ILRUN: variants seen among roughly 807,000 people sequenced by gnomAD.
ILRUN encodes inflammation and lipid regulator with UBA-like and NBR1-like domains.
In ILRUN, 3 loss-of-function variants were observed where a neutral mutation model predicts 33.8. The ratio of observed to expected loss-of-function variants is 0.09; its 90% confidence interval spans 0.04 to 0.23. The LOEUF is 0.23. Ranked by LOEUF, ILRUN falls within the 10% of genes least tolerant of loss-of-function variation. The pLI is 1.00. For synonymous variants in ILRUN, 124 were observed against 138.9 expected (o/e 0.89, Z 0.75); for missense variants, 210 against 375.1 (o/e 0.56, Z 3.64).
chr6:34,638,809 T>C (rs1246477018), intron 3 of ILRUN, among the ~76,000 whole-genome samples: 1 of 152,220 alleles, frequency 6.6e-6, no homozygotes, highest in Non-Finnish European at 1.5e-5. Context: ...GAGCATCTTA[T>C]GGAGGATCTT....
intron 1 of ILRUN, among the ~76,000 whole-genome samples, chr6:34,691,473 C>A (rs571728771): frequency 6.6e-6 from 1 of 152,286 alleles, no homozygotes; most frequent in East Asian, 1.9e-4. Flanking sequence ...CAAACATGCT[C>A]AACTGAAAAC....
intron 1 of ILRUN, among the ~76,000 whole-genome samples, chr6:34,664,352 T>C (rs530372011): frequency 3.3e-5 from 5 of 152,294 alleles, no homozygotes; most frequent in African/African-American, 1.2e-4. Context: ...TGCGGGTTTT[T>C]TGGTGACAGG....
intron 4 of ILRUN, among the ~76,000 whole-genome samples, chr6:34,593,556 G>A (rs545686986): frequency 1.3e-5 from 2 of 152,320 alleles, no homozygotes; most frequent in South Asian, 4.1e-4. Flanking sequence ...CATTTAACTA[G>A]TTTAGATTAT....
At chr6:34,678,618 C>T (rs1400687331) in intron 1 of ILRUN, among the ~76,000 whole-genome samples, 1 of 151,592 alleles carries the variant, frequency 6.6e-6, no homozygotes, top group Non-Finnish European at 1.5e-5. Flanking sequence ...GAGGCCGAGG[C>T]AGGTGGATCA....
At chr6:34,608,196 C>A (rs1481157157) in intron 3 of ILRUN, among the ~76,000 whole-genome samples, 1 of 152,010 alleles carries the variant, frequency 6.6e-6, no homozygotes, top group African/African-American at 2.4e-5. Flanking sequence ...AAGTTCGAGA[C>A]CAGCCTGGCC....
At chr6:34,657,112 A>G (rs547844075) in intron 1 of ILRUN, among the ~76,000 whole-genome samples, 2 of 152,356 alleles carry the variant, frequency 1.3e-5, no homozygotes, top group East Asian at 3.9e-4. Context: ...ATATGGGAGA[A>G]AAATAAGCCT....
intron 3 of ILRUN, chr6:34,616,875 C>T (rs1361206236): frequency 3.0e-6 from 2 of 666,832 alleles, no homozygotes; most frequent in Admixed American, 1.8e-5. Context: ...TTTAATGGAA[C>T]TTTTGTGAAG....
chr6:34,611,771 T>C (rs1349187544), intron 3 of ILRUN, among the ~76,000 whole-genome samples: 1 of 152,096 alleles, frequency 6.6e-6, no homozygotes, highest in Non-Finnish European at 1.5e-5. Context: ...AAATCTGAAG[T>C]CTAGAGGTAA....
At chr6:34,622,540 A>C (rs1468531063) in intron 3 of ILRUN, among the ~76,000 whole-genome samples, 1 of 147,310 alleles carries the variant, frequency 6.8e-6, no homozygotes, top group Non-Finnish European at 1.5e-5. Flanking sequence ...GCTACTACTA[A>C]AAAAAAAAAA....
At chr6:34,619,639 GCCA>G (rs1761969136) in intron 3 of ILRUN, among the ~76,000 whole-genome samples, 1 of 152,172 alleles carries the variant, frequency 6.6e-6, no homozygotes, top group African/African-American at 2.4e-5. Context: ...ACAGGCATGA[GCCA>G]CCACATCTGG....
intron 1 of ILRUN, among the ~76,000 whole-genome samples, chr6:34,679,266 C>CA (rs1324501642): frequency 6.6e-6 from 1 of 151,838 alleles, no homozygotes; most frequent in Non-Finnish European, 1.5e-5. Context: ...AAGAAATACT[C>CA]ACTTGTTACG....
chr6:34,636,498 G>C (rs989864478), intron 3 of ILRUN, among the ~76,000 whole-genome samples: 6 of 151,904 alleles, frequency 3.9e-5, no homozygotes, highest in Admixed American at 1.3e-4. Flanking sequence ...TCATTATAAG[G>C]CTGGTGTCAA....
intron 1 of ILRUN, among the ~76,000 whole-genome samples, chr6:34,662,988 G>A (rs989340199): frequency 6.6e-6 from 1 of 152,176 alleles, no homozygotes; most frequent in Non-Finnish European, 1.5e-5. Flanking sequence ...CAGCTACTTG[G>A]GAGGCTGCAG....
chr6:34,618,154 A>G (rs2744966), intron 3 of ILRUN, among the ~76,000 whole-genome samples: 37,941 of 152,060 alleles, frequency 0.25, 4,839 homozygotes, highest in East Asian at 0.32. Flanking sequence ...CTGGGGCTGA[A>G]AAATGAAAAT....
In ILRUN at chr6:34,607,066, T is replaced by C. The variant is rs1050278767; in HGVS notation, c.512-162A>G. Among the ~76,000 whole-genome samples the C allele has an allele frequency of 4.5e-4, 69 of 152,246 alleles. 1 individual carries two copies. The highest frequency in any genetic ancestry group is 1.7e-3 in the African/African-American group (69 of 41,468). Reference sequence around the variant, plus strand: ...ACAAAGCTGCCTGGTACATTTGCATTGCATGCATAGCTACATTTTTGGTAA... The same window carrying C: ...ACAAAGCTGCCTGGTACATTTGCATCGCATGCATAGCTACATTTTTGGTAA... On this transcript the variant is annotated intron_variant, in intron 3 of 4. Transcript: ENST00000374023.
chr6:34,608,614 G>A (rs1025622276), intron 3 of ILRUN, among the ~76,000 whole-genome samples: 26 of 152,094 alleles, frequency 1.7e-4, no homozygotes, highest in African/African-American at 5.6e-4. Flanking sequence ...AAACTACAAT[G>A]TTATGGAAGC....
chr6:34,679,314 G>A (rs1172292145), intron 1 of ILRUN, among the ~76,000 whole-genome samples: 1 of 152,030 alleles, frequency 6.6e-6, no homozygotes, highest in Non-Finnish European at 1.5e-5. Flanking sequence ...ATCTTTATGA[G>A]GTGTAAGACA....
intron 3 of ILRUN, among the ~76,000 whole-genome samples, chr6:34,613,216 AAAC>A (rs35446561): frequency 0.43 from 64,629 of 150,060 alleles, 15,548 homozygotes; most frequent in African/African-American, 0.66. Flanking sequence ...CCTGTCTCAA[AAAC>A]AACAACAACA....
intron 1 of ILRUN, among the ~76,000 whole-genome samples, chr6:34,688,219 A>G (rs1763568311): frequency 6.6e-6 from 1 of 152,126 alleles, no homozygotes; most frequent in South Asian, 2.1e-4. Context: ...AGCCTGGGCA[A>G]CATGGCAAAA....
Sources: allele counts gnomAD v4.1 joint callset (sites outside exome capture counted in the v4.1 genomes callset), GRCh38; gene constraint gnomAD v4.1.1; transcripts MANE v1.5; gene names NCBI Gene and HGNC (gene_info 2026-07-23, HGNC 2026-07-21).